NRXN1: variants seen among roughly 807,000 people sequenced by gnomAD.
NRXN1 encodes the protein neurexin 1.
In NRXN1, 39 loss-of-function variants were observed where a neutral mutation model predicts 150.9. The observed-to-expected ratio is 0.26, with a 90% confidence interval of 0.20 to 0.34. The LOEUF (loss-of-function observed/expected upper bound fraction) is 0.34, where lower values mean the gene tolerates loss of function less well. Among genes scored for constraint, NRXN1 ranks in the 10% least tolerant of loss-of-function variants. NRXN1 has a pLI of 1.00. For synonymous variants in NRXN1, 924 were observed against 757.0 expected (o/e 1.22, Z -3.62); for missense variants, 1,815 against 1,949.9 (o/e 0.93, Z 1.30).
intron 5 of NRXN1, among the ~76,000 whole-genome samples, chr2:50,787,132 C>G (rs1705237312): frequency 6.6e-6 from 1 of 152,100 alleles, no homozygotes; most frequent in Non-Finnish European, 1.5e-5. Context: ...ATTGCCATCT[C>G]CATCTTTGGA....
intron 5 of NRXN1, among the ~76,000 whole-genome samples, chr2:50,822,756 C>T (rs1225894140): frequency 6.6e-6 from 1 of 152,062 alleles, no homozygotes; most frequent in Non-Finnish European, 1.5e-5. Flanking sequence ...ATTTAATATA[C>T]TATGAGAACT....
intron 5 of NRXN1, among the ~76,000 whole-genome samples, chr2:50,675,696 A>G (rs1272254695): frequency 6.6e-6 from 1 of 152,176 alleles, no homozygotes; most frequent in African/African-American, 2.4e-5. Context: ...TTTACTGTTA[A>G]CATGGCATAA....
chr2:50,072,232 T>C (rs1366735674), intron 19 of NRXN1, among the ~76,000 whole-genome samples: 3 of 152,190 alleles, frequency 2.0e-5, no homozygotes, highest in Non-Finnish European at 2.9e-5. Context: ...CGCGGATGAC[T>C]GCAGCACTAT....
At chr2:50,599,044 T>C (rs1675807321) in intron 8 of NRXN1, among the ~76,000 whole-genome samples, 1 of 152,114 alleles carries the variant, frequency 6.6e-6, no homozygotes, top group Non-Finnish European at 1.5e-5. Context: ...AGTGCTAGGA[T>C]TACAGGTGTG....
chr2:50,802,537 G>GGAAT (rs1308144033), intron 5 of NRXN1, among the ~76,000 whole-genome samples: 15 of 141,648 alleles, frequency 1.1e-4, no homozygotes, highest in African/African-American at 3.4e-4. Flanking sequence ...AAGGAAGGAA[G>GGAAT]GAAGGAAGGA....
At chr2:50,498,336 G>T (rs2091760468) in intron 13 of NRXN1, among the ~76,000 whole-genome samples, 1 of 152,124 alleles carries the variant, frequency 6.6e-6, no homozygotes, top group Non-Finnish European at 1.5e-5. Flanking sequence ...GTTCATGCTA[G>T]TCTTCTAAAT....
chr2:50,218,670 G>A (rs1476671855), intron 18 of NRXN1, among the ~76,000 whole-genome samples: 5 of 151,698 alleles, frequency 3.3e-5, no homozygotes, highest in Non-Finnish European at 5.9e-5. Flanking sequence ...TTATATAACA[G>A]CATTACTCAT....
intron 12 of NRXN1, among the ~76,000 whole-genome samples, chr2:50,521,883 T>C (rs895230980): frequency 6.6e-6 from 1 of 152,000 alleles, no homozygotes; most frequent in African/African-American, 2.4e-5. Flanking sequence ...AAAACTAAGA[T>C]CTGGTGAGTA....
At chr2:50,896,264 C>T (rs1026749093) in intron 5 of NRXN1, among the ~76,000 whole-genome samples, 1 of 152,068 alleles carries the variant, frequency 6.6e-6, no homozygotes, top group Non-Finnish European at 1.5e-5. Flanking sequence ...GGGAAGAGAG[C>T]CAAAAACATC....
At chr2:50,299,904 G>C (rs965923147) in intron 17 of NRXN1, among the ~76,000 whole-genome samples, 2 of 152,136 alleles carry the variant, frequency 1.3e-5, no homozygotes, top group African/African-American at 2.4e-5. Flanking sequence ...GTCAAGTAAT[G>C]AATTTCAAAG....
chr2:50,006,410 T>C (rs966885732), intron 21 of NRXN1, among the ~76,000 whole-genome samples: 2 of 152,122 alleles, frequency 1.3e-5, no homozygotes, highest in African/African-American at 4.8e-5. Flanking sequence ...AATTGCTCTC[T>C]AATGCCTGCA....
intron 18 of NRXN1, among the ~76,000 whole-genome samples, chr2:50,098,738 G>A (rs1700569563): frequency 6.6e-6 from 1 of 150,934 alleles, no homozygotes; most frequent in Non-Finnish European, 1.5e-5. Context: ...TTGTGTCAGT[G>A]TTCCAGGAAA....
At chr2:50,816,461 T>C (rs1197123534) in intron 5 of NRXN1, among the ~76,000 whole-genome samples, 1 of 152,118 alleles carries the variant, frequency 6.6e-6, no homozygotes, top group Non-Finnish European at 1.5e-5. Context: ...TGAAGCTATC[T>C]TGTGTGCTTG....
chr2:50,358,008 C>T (rs2078941099), intron 17 of NRXN1, among the ~76,000 whole-genome samples: 1 of 152,100 alleles, frequency 6.6e-6, no homozygotes, highest in Non-Finnish European at 1.5e-5. Flanking sequence ...CCAAGGGAAG[C>T]CGGTGAGGGA....
Position 50,269,609 on chromosome 2 carries a change from A to G in NRXN1, c.3365-32639T>C, listed in dbSNP as rs1019673363. On this transcript the variant is annotated intron_variant, in intron 17 of 22. Coordinates refer to ENST00000401669, the MANE Select transcript of NRXN1 (RefSeq NM_001330078.2). Reference sequence around the variant, plus strand: ...AAACAAACATTAATTTTATAGCTAGAAGTTAAGTCCAGTAAAAATATGTTT... The same window carrying G: ...AAACAAACATTAATTTTATAGCTAGGAGTTAAGTCCAGTAAAAATATGTTT... Among the ~76,000 whole-genome samples the G allele has an allele frequency of 3.9e-5, 6 of 152,204 alleles. No homozygotes were observed. In the East Asian group the frequency reaches 9.6e-4, roughly 24 times the overall value.
At chr2:50,719,069 G>A (rs1350656679) in intron 5 of NRXN1, among the ~76,000 whole-genome samples, 1 of 151,164 alleles carries the variant, frequency 6.6e-6, no homozygotes, top group Non-Finnish European at 1.5e-5. Flanking sequence ...CCACCATTGT[G>A]AATGCACTAA....
intron 10 of NRXN1, among the ~76,000 whole-genome samples, chr2:50,537,439 T>A (rs2093288202): frequency 6.6e-6 from 1 of 152,226 alleles, no homozygotes; most frequent in South Asian, 2.1e-4. Flanking sequence ...TTCTGCTATT[T>A]ATTCCTTTAG....
chr2:50,872,322 A>G (rs1677902197), intron 5 of NRXN1, among the ~76,000 whole-genome samples: 1 of 151,840 alleles, frequency 6.6e-6, no homozygotes, highest in Admixed American at 6.6e-5. Flanking sequence ...TGCCTACACA[A>G]GGGCCCATCC....
intron 2 of NRXN1, among the ~76,000 whole-genome samples, chr2:50,939,904 C>A (rs1389603173): frequency 6.6e-6 from 1 of 152,104 alleles, no homozygotes; most frequent in African/African-American, 2.4e-5. Flanking sequence ...AACAGAACCA[C>A]CCACTGCATT....
Sources: allele counts gnomAD v4.1 joint callset (sites outside exome capture counted in the v4.1 genomes callset), GRCh38; gene constraint gnomAD v4.1.1; transcripts MANE v1.5; gene names NCBI Gene and HGNC (gene_info 2026-07-23, HGNC 2026-07-21).